FLVCR1: variants seen among roughly 807,000 people sequenced by gnomAD.
FLVCR1 encodes choline/ethanolamine transporter FLVCR1.
A neutral mutation model predicts 53.6 loss-of-function variants in FLVCR1; 34 were observed. The ratio of observed to expected loss-of-function variants is 0.63; its 90% CI spans 0.48 to 0.84. The LOEUF (loss-of-function observed/expected upper bound fraction) is 0.84. FLVCR1 is among the 40% of genes least tolerant of loss of function. FLVCR1 has a pLI of 0.00. For synonymous variants in FLVCR1, 300 were observed against 286.3 expected (o/e 1.05, Z -0.48); for missense variants, 677 against 696.7 (o/e 0.97, Z 0.32).
At chr1:212,889,634 T>G (rs954523239) in intron 8 of FLVCR1, among the ~76,000 whole-genome samples, 2 of 151,702 alleles carry the variant, frequency 1.3e-5, no homozygotes, top group Non-Finnish European at 2.9e-5. Context: ...GGCGCACACG[T>G]GTAGCCCCAG....
intron 2 of FLVCR1, among the ~76,000 whole-genome samples, chr1:212,866,745 A>T (rs1410739196): frequency 1.3e-5 from 2 of 152,182 alleles, no homozygotes; most frequent in Non-Finnish European, 2.9e-5. Context: ...ACAGGTAGAG[A>T]GTGGAAATAG....
In FLVCR1 at chr1:212,896,854, C is replaced by CAA. The variant is rs1665347401; in HGVS notation, c.*1564_*1565insAA. ...CCAACATGGTAAAACCCCATCTCTA[C>CAA]TAAAAAAAAAAAAAAAAAAAAAAAA... On this transcript the variant is annotated 3_prime_UTR_variant, in exon 10 of 10. Transcript: ENST00000366971. 1 of 36,034 alleles carries CAA rather than the reference C, an allele frequency of 2.8e-5. No individual in the cohort carries two copies. The highest frequency in any genetic ancestry group is 4.4e-5 in the Non-Finnish European group (1 of 22,526). The allele number at this position is 36,034 out of a possible 1,614,324, so 2.2% of individuals were successfully genotyped here.
chr1:212,895,363 C>T lies in FLVCR1; in HGVS notation c.*73C>T, dbSNP rs774073569. The stretch of plus-strand genomic sequence containing the variant: ...CATCCTTGGAGAGAGATGTGAGCAC[C>T]AAGGCTGGGTTTGTATGTGGTGGGG... On this transcript the variant is annotated 3_prime_UTR_variant, in exon 10 of 10. Coordinates refer to ENST00000366971, the MANE Select transcript of FLVCR1 (RefSeq NM_014053.4). 1 of 1,158,172 alleles carries T rather than the reference C, an allele frequency of 8.6e-7. No individual in the cohort carries two copies. 71.7% of individuals were successfully genotyped at this position (1,158,172 alleles called of 1,614,324 possible).
At position 212,858,744 on chromosome 1, in the gene FLVCR1, C is replaced by T. The variant is rs777463003; in HGVS notation, c.292C>T (p.Leu98=). The T allele has an allele frequency of 4.3e-6, 7 of 1,612,848 alleles. No homozygotes were observed. The highest frequency in any genetic ancestry group is 5.9e-6 in the Non-Finnish European group (7 of 1,179,732). Residue 98 remains leucine, a synonymous_variant, in exon 1 of 10, where the codon CTG becomes TTG. Coordinates refer to ENST00000366971, the MANE Select transcript of FLVCR1 (RefSeq NM_014053.4). ...GACCCCGGGGGCCGAGAGCAGCCCG[C>T]TGCCCCTTACGGCGCTCTCCCCGCG... ...AETPGAESSP[L]PLTALSPRRF...
intron 2 of FLVCR1, among the ~76,000 whole-genome samples, chr1:212,869,667 C>T (rs1664541117): frequency 6.6e-6 from 1 of 152,168 alleles, no homozygotes; most frequent in Non-Finnish European, 1.5e-5. Flanking sequence ...CCTCAGCCTC[C>T]TAGCTGGGAT....
Position 212,899,348 on chromosome 1 carries a change from TA to T in FLVCR1, c.*4059del, listed in dbSNP as rs1665416887. 1 of 152,194 alleles carries T rather than the reference TA, an allele frequency of 6.6e-6. No homozygotes were observed. The allele number at this position is 152,194 out of a possible 1,614,324, so 9.4% of individuals were successfully genotyped here. On this transcript the variant is annotated 3_prime_UTR_variant, in exon 10 of 10. Transcript: ENST00000366971. Reference sequence around the variant, plus strand: ...CAGTATTTCAGACTCAAAATAAATTTATTTTTTTATGTTAATTTTCTGTGAC... The same window carrying T: ...CAGTATTTCAGACTCAAAATAAATTTTTTTTTTATGTTAATTTTCTGTGAC...
chr1:212,889,058 C>G (rs41300979), intron 7 of FLVCR1, 88 bp from the exon 8 acceptor site: 30,533 of 1,011,472 alleles, frequency 0.03, 566 homozygotes, highest in South Asian at 0.044. Flanking sequence ...AATCATATAA[C>G]CAAAATAAGA....
At chr1:212,860,683 C>G (rs1664208862) in intron 1 of FLVCR1, among the ~76,000 whole-genome samples, 1 of 152,120 alleles carries the variant, frequency 6.6e-6, no homozygotes, top group Non-Finnish European at 1.5e-5. Context: ...TTACTTTTCT[C>G]TTATCCCCAC....
chr1:212,876,478 G>A (rs1293329279), intron 3 of FLVCR1, among the ~76,000 whole-genome samples: 1 of 151,482 alleles, frequency 6.6e-6, no homozygotes, highest in Non-Finnish European at 1.5e-5. Context: ...TGATTCTCCT[G>A]CCTCAGCCTC....
chr1:212,864,895 C>T (rs1005441806), intron 2 of FLVCR1, among the ~76,000 whole-genome samples: 1 of 152,238 alleles, frequency 6.6e-6, no homozygotes, highest in South Asian at 2.1e-4. Context: ...GATCCAGGTA[C>T]AGGAAGCTCA....
rs1032466735 is a variant in FLVCR1 at position 212,873,216 on chromosome 1, G to A, written c.1024+398G>A. 3.9e-5 allele frequency among the ~76,000 whole-genome samples: 6 copies of A among 152,042 alleles called. No homozygotes were observed. In the East Asian group the frequency reaches 1.2e-3, roughly 29 times the overall value. ...TAATCCCGGCTACTCAGGTGGCTGA[G>A]GCAGGAGAATCGCTTGAACCTAGAA... On this transcript the variant is annotated intron_variant, in intron 3 of 9. Transcript: ENST00000366971.
In FLVCR1 at chr1:212,895,206, G is replaced by T. The variant is rs1241817401; in HGVS notation, c.1594-10G>T. ...GCTATACATTTTTAATCTTCTGATTGTTTTTATAGATACCAGCTGACAGTC... is the reference window on the plus strand; with the variant it reads ...GCTATACATTTTTAATCTTCTGATTTTTTTTATAGATACCAGCTGACAGTC... On this transcript the variant is annotated splice_polypyrimidine_tract_variant and intron_variant, in intron 9 of 9. Coordinates refer to ENST00000366971, the MANE Select transcript of FLVCR1 (RefSeq NM_014053.4). 2 of 1,602,958 alleles carry T rather than the reference G, an allele frequency of 1.2e-6. No homozygotes were observed. Among genetic ancestry groups the T allele is most frequent in the Admixed American group, 3.3e-5 (2 of 59,942 alleles).
chr1:212,881,468 A>T (rs903196419), intron 3 of FLVCR1, among the ~76,000 whole-genome samples: 2 of 151,972 alleles, frequency 1.3e-5, no homozygotes, highest in African/African-American at 4.8e-5. Flanking sequence ...CCTCCCCAGT[A>T]GCTGGGACTA....
rs148193533 is a variant in FLVCR1, at chr1:212,869,783, G to A, written c.884-2895G>A. Among the ~76,000 whole-genome samples, 39 of 152,308 alleles carry A rather than the reference G, an allele frequency of 2.6e-4. No homozygotes were observed. The East Asian group carries it at 6.0e-3, about 23-fold the overall frequency. On this transcript the variant is annotated intron_variant, in intron 2 of 9. Coordinates refer to ENST00000366971, the MANE Select transcript of FLVCR1 (RefSeq NM_014053.4). ...ACTCTTGACCTCAGGTGAGTTGCCC[G>A]CCTCAGGCCTCCCAAAGTGTTGGGA...
At chr1:212,864,440 CG>C (rs2102537453) in intron 2 of FLVCR1, 1 of 156,034 alleles carries the variant, frequency 6.4e-6, no homozygotes, top group African/African-American at 2.4e-5. Context: ...TGAGTCCTCT[CG>C]TCTGAGCCTG....
At chr1:212,885,540 AC>A (rs1230473999) in intron 5 of FLVCR1, 144 bp downstream of exon 5, 2 of 488,914 alleles carry the variant, frequency 4.1e-6, no homozygotes, top group Non-Finnish European at 7.3e-6. Context: ...TCTTCACTTA[AC>A]AAGTGTTTCT....
chr1:212,891,141 G>T (rs1665180708), intron 8 of FLVCR1, among the ~76,000 whole-genome samples: 1 of 152,144 alleles, frequency 6.6e-6, no homozygotes, highest in Non-Finnish European at 1.5e-5. Context: ...GGACGTGGTG[G>T]CTCATACTTG....
At chr1:212,865,435 T>C (rs1479884928) in intron 2 of FLVCR1, among the ~76,000 whole-genome samples, 1 of 151,602 alleles carries the variant, frequency 6.6e-6, no homozygotes, top group Admixed American at 6.6e-5. Flanking sequence ...ATTTGCTAGA[T>C]GAAATAGGAA....
chr1:212,882,306 C>A (rs1664952141), intron 3 of FLVCR1, among the ~76,000 whole-genome samples: 1 of 152,028 alleles, frequency 6.6e-6, no homozygotes, highest in African/African-American at 2.4e-5. Context: ...CAACAGAAAA[C>A]TAATGAACTA....
Sources: gnomAD v4.1 joint callset for allele counts (sites outside exome capture counted in the v4.1 genomes callset) on GRCh38, gnomAD v4.1.1 for gene constraint, MANE v1.5 for transcripts, NCBI Gene and HGNC (gene_info 2026-07-23, HGNC 2026-07-21) for gene names.